Variants in BMP2K observed in about 807,000 individuals in gnomAD.
The protein encoded by BMP2K is BMP-2-inducible protein kinase.
In BMP2K, 74 loss-of-function variants were observed where a neutral mutation model predicts 116.0. The observed-to-expected ratio is 0.64, with a 90% CI of 0.53 to 0.77. The LOEUF is 0.77. BMP2K is among the 30% of genes least tolerant of loss of function. The pLI is 0.00. For missense variants in BMP2K, 1,365 were observed against 1,403.6 expected, an observed-to-expected ratio of 0.97 and a Z score of 0.44; for synonymous variants, 486 against 502.5, an observed-to-expected ratio of 0.97 and a Z score of 0.44.
In BMP2K at chr4:78,843,867, A is replaced by G. The variant is rs141683200; in HGVS notation, c.547-1061A>G. Among the ~76,000 whole-genome samples the G allele has an allele frequency of 4.5e-4, 69 of 152,046 alleles. No individual in the cohort carries two copies. In the East Asian group the frequency reaches 0.012, roughly 26 times the overall value. ...TTAAATTCAGAAGACATTTAACTGCATAATTTTGTATTGTCCATATTTTAT... is the reference window on the plus strand; with the variant it reads ...TTAAATTCAGAAGACATTTAACTGCGTAATTTTGTATTGTCCATATTTTAT... On this transcript the variant is annotated intron_variant, in intron 4 of 15. Transcript: ENST00000502613.
rs1428227934 is a variant in BMP2K, at chr4:78,861,655, T to C, written c.1067+187T>C. On this transcript the variant is annotated intron_variant, in intron 9 of 15. Coordinates refer to ENST00000502613, the MANE Select transcript of BMP2K (RefSeq NM_198892.2). ...TTTTAAAAATATTAGATAAGGAGTC[T>C]GGCATCATCTCACTGGAACTGTTCA... Among the ~76,000 whole-genome samples, 10 of 152,010 alleles carry C rather than the reference T, an allele frequency of 6.6e-5. No individual in the cohort carries two copies. The East Asian group carries it at 1.7e-3, about 26-fold the overall frequency.
chr4:78,781,119 G>A (rs1319041753), intron 1 of BMP2K, among the ~76,000 whole-genome samples: 2 of 152,192 alleles, frequency 1.3e-5, no homozygotes, highest in African/African-American at 2.4e-5. Flanking sequence ...ATGTTGGCAA[G>A]GTGACCAGGG....
At position 78,776,698 on chromosome 4, in the gene BMP2K, C is replaced by G. The variant is rs1727261622; in HGVS notation, c.155C>G (p.Thr52Ser). The change falls in exon 1 of 16, where the codon ACC (threonine) becomes AGC (serine). Residue 52 changes from threonine to serine, a missense_variant. By Grantham distance (58) the Thr-to-Ser change is moderately conservative. This residue lies in a region of BMP2K where 762 missense variants were observed against 756.7 expected (regional missense o/e 1.01). Transcript: ENST00000502613. Reference protein sequence around the residue: ...RVFAVGRHQVTLEESLAEGGF... With the variant: ...RVFAVGRHQVSLEESLAEGGF... ...TTCGCGGTCGGCCGCCACCAGGTCACCCTGGAAGAGTCGCTGGCCGAAGGT... is the reference window on the plus strand; with the variant it reads ...TTCGCGGTCGGCCGCCACCAGGTCAGCCTGGAAGAGTCGCTGGCCGAAGGT... 4 of 1,261,922 alleles carry G rather than the reference C, an allele frequency of 3.2e-6. No homozygotes were observed. The highest frequency in any genetic ancestry group is 4.0e-6 in the Non-Finnish European group (4 of 999,530). The allele number at this position is 1,261,922 out of a possible 1,614,324, so 78.2% of individuals were successfully genotyped here. A position where few individuals can be genotyped will look rare whatever the true frequency, so the allele number is the denominator to read the frequency against.
In BMP2K at chr4:78,912,027, A is replaced by G; in HGVS notation, c.3480A>G (p.Lys1160=). Residue 1160 remains lysine (K), a synonymous_variant, in exon 16 of 16, where the codon AAA becomes AAG. Coordinates refer to ENST00000502613, the MANE Select transcript of BMP2K (RefSeq NM_198892.2). ...DPFGAAPFPS[K]Q is the part of the protein sequence containing the mutation. ...TTGGTGCTGCTCCATTTCCTTCTAA[A>G]CAGTAGATACTTCTGATGGATTCTC... The G allele has an allele frequency of 6.2e-7, 1 of 1,600,972 alleles. No individual in the cohort carries two copies. The highest frequency in any genetic ancestry group is 8.5e-7 in the Non-Finnish European group (1 of 1,172,234).
chr4:78,849,109 T>C (rs1731137566), intron 6 of BMP2K, among the ~76,000 whole-genome samples: 2 of 151,444 alleles, frequency 1.3e-5, no homozygotes, highest in African/African-American at 4.8e-5. Flanking sequence ...TAAAAAATAA[T>C]TTTTTGCTTG....
intron 15 of BMP2K, among the ~76,000 whole-genome samples, chr4:78,897,690 ATTTGT>A (rs942611711): frequency 1.2e-4 from 18 of 152,176 alleles, no homozygotes; most frequent in Admixed American, 1.1e-3. Context: ...TGTACAGATA[ATTTGT>A]TTTAATTTAT....
At chr4:78,833,810 T>C (rs1730327255) in intron 3 of BMP2K, 123 bp downstream of exon 3, 1 of 655,188 alleles carries the variant, frequency 1.5e-6, no homozygotes, top group Non-Finnish European at 2.6e-6. Flanking sequence ...ATCTTACCTT[T>C]CATTATCTAA....
intron 15 of BMP2K, among the ~76,000 whole-genome samples, chr4:78,908,866 T>C (rs1734419815): frequency 6.6e-6 from 1 of 151,946 alleles, no homozygotes. Context: ...GGTAAATGGG[T>C]TTCTATCACG....
At chr4:78,831,598 A>G (rs751750633) in intron 2 of BMP2K, among the ~76,000 whole-genome samples, 4 of 152,202 alleles carry the variant, frequency 2.6e-5, no homozygotes, top group African/African-American at 4.8e-5. Flanking sequence ...ACAAACAACA[A>G]TTAGTTTTGT....
At chr4:78,848,949 T>C (rs555627077) in intron 6 of BMP2K, among the ~76,000 whole-genome samples, 5 of 151,442 alleles carry the variant, frequency 3.3e-5, no homozygotes, top group Non-Finnish European at 7.4e-5. Context: ...AGGTGTGAAT[T>C]CAGTAATATC....
chr4:78,891,834 A>G (rs1387879171), intron 15 of BMP2K, among the ~76,000 whole-genome samples: 1 of 152,152 alleles, frequency 6.6e-6, no homozygotes, highest in Admixed American at 6.5e-5. Flanking sequence ...TGCTTATTAG[A>G]TACAGTGTTT....
At chr4:78,857,946 C>T (rs1338404925) in intron 7 of BMP2K, among the ~76,000 whole-genome samples, 2 of 151,932 alleles carry the variant, frequency 1.3e-5, no homozygotes, top group Non-Finnish European at 2.9e-5. Flanking sequence ...TAGTTTGTAA[C>T]TGACCTCATT....
Position 78,880,702 on chromosome 4 carries a change from G to A in BMP2K, c.1951+1811G>A, listed in dbSNP as rs548453440. Among the ~76,000 whole-genome samples the A allele has an allele frequency of 9.4e-4, 143 of 152,288 alleles. 1 individual carries two copies. The highest frequency in any genetic ancestry group is 2.9e-3 in the African/African-American group (121 of 41,566). On this transcript the variant is annotated intron_variant, in intron 14 of 15. Transcript: ENST00000502613. ...ACTTCATAAAAATTGGGTTGAGCAC[G>A]TAAAATTCTTAAGTAGCTATTTTTA...
Position 78,842,317 on chromosome 4 carries a change from T to A in BMP2K, c.404-68T>A, listed in dbSNP as rs979638849. Reference sequence around the variant, plus strand: ...CATTACTTGAAGCCATAAAGACATTTCTTAATTTGCTTGTGATAGACTTTA... The same window carrying A: ...CATTACTTGAAGCCATAAAGACATTACTTAATTTGCTTGTGATAGACTTTA... On this transcript the variant is annotated intron_variant, in intron 3 of 15. Transcript: ENST00000502613. The A allele has an allele frequency of 6.5e-6, 9 of 1,392,926 alleles. No individual in the cohort carries two copies. In the African/African-American group the frequency reaches 1.3e-4, roughly 20 times the overall value. 86.3% of individuals were successfully genotyped at this position (1,392,926 alleles called of 1,614,324 possible). A position where few individuals can be genotyped will look rare whatever the true frequency, so the allele number is the denominator to read the frequency against.
chr4:78,845,085 A>G (rs1730936984), intron 5 of BMP2K, 36 bp downstream of exon 5: 1 of 1,516,412 alleles, frequency 6.6e-7, no homozygotes, highest in Non-Finnish European at 9.1e-7. Flanking sequence ...TTGTCATGGT[A>G]ATTTTAAGTT....
At chr4:78,817,874 C>T (rs1331385361) in intron 1 of BMP2K, among the ~76,000 whole-genome samples, 2 of 152,126 alleles carry the variant, frequency 1.3e-5, no homozygotes, top group East Asian at 3.9e-4. Flanking sequence ...GAAATGTCTA[C>T]TAAGGAATTC....
Position 78,915,284 on chromosome 4 carries a change from A to G in BMP2K, c.*3251A>G, listed in dbSNP as rs751706560. 6.6e-6 allele frequency: 1 copy of G among 151,986 alleles called. No individual in the cohort carries two copies. The allele number at this position is 151,986 out of a possible 1,614,324, so 9.4% of individuals were successfully genotyped here. On this transcript the variant is annotated 3_prime_UTR_variant, in exon 16 of 16. Transcript: ENST00000502613. ...AATCTAAGGTGGAGCCCACTCTTCT[A>G]TGCTGAAGTTCACCAGGCAGAGCAG...
intron 1 of BMP2K, among the ~76,000 whole-genome samples, chr4:78,798,008 G>A (rs1184069911): frequency 1.3e-5 from 2 of 151,942 alleles, no homozygotes; most frequent in Non-Finnish European, 2.9e-5. Flanking sequence ...AGCAATGGGG[G>A]GTCTCACTTC....
intron 1 of BMP2K, among the ~76,000 whole-genome samples, chr4:78,798,098 T>C (rs1728387692): frequency 1.3e-5 from 2 of 152,206 alleles, no homozygotes; most frequent in African/African-American, 4.8e-5. Context: ...ATTACAGGCA[T>C]GAGCCACTGC....
Sources: gnomAD v4.1 joint callset for allele counts (sites outside exome capture counted in the v4.1 genomes callset) on GRCh38, gnomAD v4.1.1 for gene constraint, gnomAD v4.1.1 regional missense constraint, MANE v1.5 for transcripts, NCBI Gene and HGNC (gene_info 2026-07-23, HGNC 2026-07-21) for gene names.